The following PSEN1 variants were observed in gnomAD, a reference collection of about 807,000 sequenced individuals.
PSEN1 encodes presenilin-1.
A neutral mutation model predicts 53.5 loss-of-function variants in PSEN1; 15 were observed. That is an observed-to-expected ratio of 0.28 (90% CI 0.19 to 0.43). The LOEUF (loss-of-function observed/expected upper bound fraction) is 0.43, where lower values mean the gene tolerates loss of function less well. PSEN1 is among the 20% of genes least tolerant of loss of function. The probability of loss-of-function intolerance (pLI) is 1.00; values close to 1 mark genes in which losing one functional copy is unlikely to be tolerated. For missense variants in PSEN1, 387 were observed against 571.2 expected (o/e 0.68, Z 3.29); for synonymous variants, 208 against 209.8 (o/e 0.99, Z 0.08).
At chr14:73,160,596 C>T (rs1010218190) in intron 3 of PSEN1, among the ~76,000 whole-genome samples, 1 of 151,984 alleles carries the variant, frequency 6.6e-6, no homozygotes, top group African/African-American at 2.4e-5. Flanking sequence ...GCCATCCTAA[C>T]GGGTGTAGTT....
intron 5 of PSEN1, among the ~76,000 whole-genome samples, chr14:73,181,740 A>G (rs1191097090): frequency 6.6e-6 from 1 of 152,252 alleles, no homozygotes; most frequent in African/African-American, 2.4e-5. Context: ...ACGTGCAGAT[A>G]GAAAACATGT....
Position 73,220,719 on chromosome 14 carries a change from C to G in PSEN1, c.*1430C>G, listed in dbSNP as rs1427315721. On this transcript the variant is annotated 3_prime_UTR_variant, in exon 12 of 12. Coordinates refer to ENST00000324501, the MANE Select transcript of PSEN1 (RefSeq NM_000021.4). ...GTGGTCTCTGCCCGCGTTACCTTTCCTCTCAATGTACCTTTGTGTGAACTG... is the reference window on the plus strand; with the variant it reads ...GTGGTCTCTGCCCGCGTTACCTTTCGTCTCAATGTACCTTTGTGTGAACTG... The G allele has an allele frequency of 6.6e-6, 1 of 152,176 alleles. No individual in the cohort carries two copies. The highest frequency in any genetic ancestry group is 2.4e-5 in the African/African-American group (1 of 41,430). 9.4% of individuals were successfully genotyped at this position (152,176 alleles called of 1,614,324 possible). A position where few individuals can be genotyped will look rare whatever the true frequency, so the allele number is the denominator to read the frequency against.
intron 8 of PSEN1, among the ~76,000 whole-genome samples, chr14:73,200,196 A>T (rs76356675): frequency 4.6e-4 from 70 of 151,804 alleles, no homozygotes; most frequent in African/African-American, 1.7e-3. Context: ...ACTTTTTTTC[A>T]TGTGTTTCTT....
At chr14:73,162,175 A>C (rs138923281) in intron 3 of PSEN1, among the ~76,000 whole-genome samples, 2 of 147,860 alleles carry the variant, frequency 1.4e-5, no homozygotes, top group Admixed American at 1.3e-4. Context: ...GCAAAACTCC[A>C]TCTCAAAAAA....
intron 10 of PSEN1, among the ~76,000 whole-genome samples, chr14:73,215,645 C>T (rs1899883242): frequency 1.3e-5 from 2 of 151,914 alleles, no homozygotes; most frequent in African/African-American, 2.4e-5. Context: ...AGGATGCTTA[C>T]AACTTAATAC....
At chr14:73,143,263 C>A (rs1242461729) in intron 1 of PSEN1, among the ~76,000 whole-genome samples, 1 of 152,160 alleles carries the variant, frequency 6.6e-6, no homozygotes, top group Non-Finnish European at 1.5e-5. Flanking sequence ...CCTCTGCTTC[C>A]TACCGAGCCC....
At chr14:73,208,358 C>T (rs1899539285) in intron 9 of PSEN1, among the ~76,000 whole-genome samples, 1 of 152,210 alleles carries the variant, frequency 6.6e-6, no homozygotes, top group African/African-American at 2.4e-5. Flanking sequence ...TATTGAGCAA[C>T]AGTACAGCTC....
chr14:73,188,051 C>A (rs1040050753), intron 6 of PSEN1, among the ~76,000 whole-genome samples: 7 of 152,098 alleles, frequency 4.6e-5, no homozygotes, highest in African/African-American at 1.7e-4. Flanking sequence ...GCCTCAGCCC[C>A]CTGAGTAACC....
intron 5 of PSEN1, among the ~76,000 whole-genome samples, chr14:73,180,409 A>G (rs1189201801): frequency 6.6e-6 from 1 of 152,210 alleles, no homozygotes; most frequent in East Asian, 1.9e-4. Context: ...TTATATAGAA[A>G]CAAGTTGTTT....
At chr14:73,186,035 T>G (rs1047132524) in intron 5 of PSEN1, among the ~76,000 whole-genome samples, 6 of 152,140 alleles carry the variant, frequency 3.9e-5, no homozygotes, top group Non-Finnish European at 1.5e-5. Context: ...TGTTGGAAAA[T>G]TTTTGTGGAA....
At position 73,219,405 on chromosome 14, in the gene PSEN1, C is replaced by G; in HGVS notation, c.*116C>G. 8.6e-7 allele frequency: 1 copy of G among 1,169,268 alleles called. No homozygotes were observed. Among genetic ancestry groups the G allele is most frequent in the South Asian group, 1.2e-5 (1 of 81,164 alleles). The allele number at this position is 1,169,268 out of a possible 1,614,324, so 72.4% of individuals were successfully genotyped here. Reference sequence around the variant, plus strand: ...AACAAAGTCAAGATTCCCGGCTGGACTTTTGCAGCTTCCTTCCAAGTCTTC... The same window carrying G: ...AACAAAGTCAAGATTCCCGGCTGGAGTTTTGCAGCTTCCTTCCAAGTCTTC... On this transcript the variant is annotated 3_prime_UTR_variant, in exon 12 of 12. Transcript: ENST00000324501.
intron 3 of PSEN1, among the ~76,000 whole-genome samples, chr14:73,154,433 A>C (rs1897304229): frequency 1.2e-5 from 1 of 82,852 alleles, no homozygotes; most frequent in African/African-American, 7.7e-5. Flanking sequence ...TCTTGTCTCT[A>C]CAAAAAAAAA....
chr14:73,145,005 G>A (rs955552229), intron 1 of PSEN1, among the ~76,000 whole-genome samples: 3 of 152,106 alleles, frequency 2.0e-5, no homozygotes, highest in African/African-American at 7.2e-5. Flanking sequence ...CGATTCTCCT[G>A]CCTCAGCCTC....
chr14:73,160,364 T>C (rs541614893), intron 3 of PSEN1, among the ~76,000 whole-genome samples: 5 of 152,250 alleles, frequency 3.3e-5, no homozygotes, highest in Non-Finnish European at 7.3e-5. Context: ...TATGCACATA[T>C]CTGTTTGAGG....
At chr14:73,161,881 G>A (rs543471703) in intron 3 of PSEN1, among the ~76,000 whole-genome samples, 25 of 151,870 alleles carry the variant, frequency 1.6e-4, no homozygotes, top group Middle Eastern at 3.4e-3. Context: ...TAGGCCGGGC[G>A]CAGTGGCTCA....
intron 3 of PSEN1, among the ~76,000 whole-genome samples, chr14:73,150,445 G>T (rs114776088): frequency 6.6e-6 from 1 of 151,982 alleles, no homozygotes; most frequent in Non-Finnish European, 1.5e-5. Flanking sequence ...AAATCGTATC[G>T]CATTATGTAA....
chr14:73,217,219 T>C lies in PSEN1; in HGVS notation c.1223T>C (p.Ile408Thr), dbSNP rs906454643. 6 of 1,614,114 alleles carry C rather than the reference T, an allele frequency of 3.7e-6. No homozygotes were observed. Among genetic ancestry groups the C allele is most frequent in the Admixed American group, 1.7e-5 (1 of 60,022 alleles). The stretch of plus-strand genomic sequence containing the variant: ...GCCAGTGGAGACTGGAACACAACCA[T>C]AGCCTGTTTCGTAGCCATATTAATT... ...ATASGDWNTT[I>T]ACFVAILIGL... The change falls in exon 11 of 12, where the codon ATA becomes ACA. Residue 408 changes from isoleucine (I) to threonine (T), a missense_variant. Around this residue, in one of 4 missense-constraint regions of PSEN1, gnomAD observed 44 missense variants for 106.3 expected, o/e 0.41. Coordinates refer to ENST00000324501, the MANE Select transcript of PSEN1 (RefSeq NM_000021.4).
At chr14:73,208,593 G>C (rs896004196) in intron 9 of PSEN1, among the ~76,000 whole-genome samples, 4 of 152,202 alleles carry the variant, frequency 2.6e-5, no homozygotes, top group Non-Finnish European at 5.9e-5. Flanking sequence ...GCTTCTTTCT[G>C]CAGGCAGGTT....
chr14:73,214,518 G>A (rs10134564), intron 10 of PSEN1, among the ~76,000 whole-genome samples: 2,220 of 128,288 alleles, frequency 0.017, 56 homozygotes, highest in African/African-American at 0.061. Context: ...CAACAAGAGC[G>A]AAACTCCATC....
Sources: gnomAD v4.1 joint callset for allele counts (sites outside exome capture counted in the v4.1 genomes callset) on GRCh38, gnomAD v4.1.1 for gene constraint, gnomAD v4.1.1 regional missense constraint, MANE v1.5 for transcripts, NCBI Gene and HGNC (gene_info 2026-07-23, HGNC 2026-07-21) for gene names.